ACOT8: variants seen among roughly 807,000 people sequenced by gnomAD.
ACOT8 encodes the protein acyl-coenzyme A thioesterase 8.
Under a neutral mutation model 38.4 loss-of-function variants are expected in ACOT8, and 31 were observed. That is an observed-to-expected ratio of 0.81 (90% CI 0.61 to 1.09). ACOT8 has a LOEUF of 1.09. ACOT8 is among the 50% of genes least tolerant of loss of function. The pLI, the probability that ACOT8 is intolerant of heterozygous loss-of-function variation, is 0.00. For missense variants in ACOT8, 373 were observed against 421.8 expected, an observed-to-expected ratio of 0.88 and a Z score of 1.01; for synonymous variants, 158 against 170.3, an observed-to-expected ratio of 0.93 and a Z score of 0.56.
intron 3 of ACOT8, 149 bp from the exon 4 acceptor site, chr20:45,844,569 G>C: frequency 1.1e-6 from 1 of 895,778 alleles, no homozygotes; most frequent in East Asian, 2.7e-5. Context: ...ATAGTGCAGC[G>C]TTTGAATCCC....
chr20:45,842,160 A>G, intron 5 of ACOT8: 1 of 1,522,016 alleles, frequency 6.6e-7, no homozygotes, highest in Non-Finnish European at 8.8e-7. Context: ...ACTTCTTGCA[A>G]AGGGTCTGGC....
At chr20:45,846,849 C>T (rs1487034381) in intron 3 of ACOT8, among the ~76,000 whole-genome samples, 1 of 152,154 alleles carries the variant, frequency 6.6e-6, no homozygotes, top group African/African-American at 2.4e-5. Flanking sequence ...ATCTAACATG[C>T]TCCCTGGTGG....
chr20:45,848,633 C>G lies in ACOT8; in HGVS notation c.305G>C (p.Arg102Pro). Residue 102 changes from arginine to proline, a missense_variant, in exon 3 of 6, where the codon CGA (arginine) becomes CCA (proline). Transcript: ENST00000217455. ...GCGCACCGAGAAGCTCGACCCTGTT[C>G]GTGTCCGCTCCACTTGGTACAGTAC... is the stretch of plus-strand genomic sequence containing the variant. ...LPVLYQVERT[R>P]TGSSFSVRSV... 3.1e-6 allele frequency: 5 copies of G among 1,613,554 alleles called. No individual in the cohort carries two copies. The highest frequency in any genetic ancestry group is 4.2e-6 in the Non-Finnish European group (5 of 1,179,936).
rs1275392341 is a variant in ACOT8, at chr20:45,843,662, A to G, written c.706T>C (p.Leu236=). 2 of 1,613,236 alleles carry G rather than the reference A, an allele frequency of 1.2e-6. No homozygotes were observed. Among genetic ancestry groups the G allele is most frequent in the Non-Finnish European group, 1.7e-6 (2 of 1,179,282 alleles). The change falls in exon 5 of 6, where the codon TTG becomes CTG. Residue 236 remains leucine (L), a synonymous_variant. Coordinates refer to ENST00000217455, the MANE Select transcript of ACOT8 (RefSeq NM_005469.4). ...VAAYISDYAF[L]GTALLPHQWQ... is the part of the protein sequence containing the mutation. Reference sequence around the variant, plus strand: ...TGGTGAGGCAGCAGTGCAGTGCCCAAGAAGGCATAGTCGGAGATATAGGCG... The same window carrying G: ...TGGTGAGGCAGCAGTGCAGTGCCCAGGAAGGCATAGTCGGAGATATAGGCG...
At chr20:45,853,635 T>A (rs545336269) in intron 2 of ACOT8, 1 of 217,340 alleles carries the variant, frequency 4.6e-6, no homozygotes, top group Admixed American at 5.5e-5. Flanking sequence ...GCTGGAAGGA[T>A]TACAATATCA....
At position 45,855,302 on chromosome 20, in the gene ACOT8, GA is replaced by G; in HGVS notation, c.129-11del. 3.7e-6 allele frequency: 6 copies of G among 1,613,702 alleles called. No individual in the cohort carries two copies. Among genetic ancestry groups the G allele is most frequent in the Non-Finnish European group, 5.1e-6 (6 of 1,179,932 alleles). ...CCAGTAATGCCTTCCTCTGTAGGGA[GA>G]GGGGGAAAGAGGGAAAGACTTGGGA... On this transcript the variant is annotated splice_polypyrimidine_tract_variant and intron_variant, in intron 1 of 5. Transcript: ENST00000217455.
In ACOT8 at chr20:45,849,321, G is replaced by C. The variant is rs59117934; in HGVS notation, c.263-646C>G. Among the ~76,000 whole-genome samples the C allele has an allele frequency of 1.8e-4, 28 of 152,240 alleles. No individual in the cohort carries two copies. The East Asian group carries it at 4.2e-3, about 23-fold the overall frequency. ...TTTGTTTGAGATGGAGTCTTGCTCT[G>C]TCACCCAGGCTGGAGTACAGTGGTG... On this transcript the variant is annotated intron_variant, in intron 2 of 5. Coordinates refer to ENST00000217455, the MANE Select transcript of ACOT8 (RefSeq NM_005469.4).
At chr20:45,843,947 A>T (rs2145758939) in intron 4 of ACOT8, 1 of 931,212 alleles carries the variant, frequency 1.1e-6, no homozygotes, top group Non-Finnish European at 1.6e-6. Context: ...CAAGTCTCCC[A>T]CTCTAGGCCC....
chr20:45,856,043 C>T (rs1053687255), intron 1 of ACOT8, among the ~76,000 whole-genome samples: 5 of 152,084 alleles, frequency 3.3e-5, no homozygotes, highest in African/African-American at 7.2e-5. Context: ...GTGGGAGGAT[C>T]GCCTGAGCCC....
At chr20:45,855,975 C>T (rs1985394210) in intron 1 of ACOT8, among the ~76,000 whole-genome samples, 1 of 152,088 alleles carries the variant, frequency 6.6e-6, no homozygotes, top group African/African-American at 2.4e-5. Flanking sequence ...GAACAGCCCT[C>T]CATGACCTGG....
At chr20:45,842,558 C>T (rs1984300404) in intron 5 of ACOT8, 3 of 997,624 alleles carry the variant, frequency 3.0e-6, no homozygotes, top group South Asian at 4.4e-5. Context: ...CTGGCCTCTT[C>T]CCTCCCCATC....
intron 3 of ACOT8, among the ~76,000 whole-genome samples, chr20:45,845,100 T>C (rs1002982046): frequency 2.0e-5 from 3 of 151,968 alleles, no homozygotes; most frequent in African/African-American, 7.3e-5. Flanking sequence ...TATTATTTCT[T>C]TATTTTGAGA....
rs1984461030 is a variant in ACOT8 at position 45,843,830 on chromosome 20, G to A, written c.647-109C>T. The A allele has an allele frequency of 2.7e-6, 4 of 1,494,130 alleles. No homozygotes were observed. The African/African-American group carries it at 4.2e-5, about 16-fold the overall frequency. The allele number at this position is 1,494,130 out of a possible 1,614,324, so 92.6% of individuals were successfully genotyped here. A position where few individuals can be genotyped will look rare whatever the true frequency, so the allele number is the denominator to read the frequency against. On this transcript the variant is annotated intron_variant, in intron 4 of 5. Coordinates refer to ENST00000217455, the MANE Select transcript of ACOT8 (RefSeq NM_005469.4). ...TGCATGGGTGTGCAGACTGGTTGCT[G>A]CACAAGAGCGCTTGGCCTACAGTGT... is the stretch of plus-strand genomic sequence containing the variant.
rs1221406368 is a variant in ACOT8 at position 45,857,357 on chromosome 20, G to A, written c.-42C>T. Reference sequence around the variant, plus strand: ...GGCCCTGCACACCCGCTCCGCGGAAGACGCGGAGACATACACAGAACCTGA... The same window carrying A: ...GGCCCTGCACACCCGCTCCGCGGAAAACGCGGAGACATACACAGAACCTGA... On this transcript the variant is annotated 5_prime_UTR_variant, in exon 1 of 6. Coordinates refer to ENST00000217455, the MANE Select transcript of ACOT8 (RefSeq NM_005469.4). 3 of 1,558,602 alleles carry A rather than the reference G, an allele frequency of 1.9e-6. No homozygotes were observed. The African/African-American group carries it at 4.1e-5, about 21-fold the overall frequency.
At chr20:45,843,175 G>T in intron 5 of ACOT8, 1 of 520,956 alleles carries the variant, frequency 1.9e-6, no homozygotes, top group Non-Finnish European at 3.1e-6. Context: ...TGCGGGTTTG[G>T]ATACCACTGC....
intron 2 of ACOT8, among the ~76,000 whole-genome samples, chr20:45,853,244 T>C (rs197673): frequency 0.028 from 4,277 of 152,254 alleles, 210 homozygotes; most frequent in African/African-American, 0.097. Flanking sequence ...AGGAAAGAGT[T>C]TGGCACTCAA....
At chr20:45,851,850 AAAAAC>A (rs1397656319) in intron 2 of ACOT8, among the ~76,000 whole-genome samples, 1 of 152,234 alleles carries the variant, frequency 6.6e-6, no homozygotes. Context: ...GAGAAAAACT[AAAAAC>A]AAAACAAAAA....
At position 45,857,285 on chromosome 20, in the gene ACOT8, GC is replaced by G; in HGVS notation, c.30del (p.Gln11ArgfsTer61). 6.2e-7 allele frequency: 1 copy of G among 1,611,158 alleles called. No homozygotes were observed. The highest frequency in any genetic ancestry group is 8.5e-7 in the Non-Finnish European group (1 of 1,178,996). MSSPQAPED[G>X]QGCGDRGDPP... ...GGATCGCCGCGGTCGCCACAGCCCT[GC>G]CCATCTTCTGGGGCCTGCGGGGACG... On this transcript the variant is annotated frameshift_variant, in exon 1 of 6. Transcript: ENST00000217455. LOFTEE classifies it high-confidence loss of function.
chr20:45,844,289 A>G lies in ACOT8; in HGVS notation c.620T>C (p.Phe207Ser), dbSNP rs1281737886. ...AATATAGCCCCGGGCTCGCACCCAG[A>G]ACATCTGTTTGGGCTCCATTCTCTG... ...QLQRMEPKQM[F>S]WVRARGYIGE... is the part of the protein sequence containing the mutation. Residue 207 changes from phenylalanine to serine, a missense_variant, in exon 4 of 6, where the codon TTC becomes TCC. Physicochemically the swap from Phe to Ser is radical, Grantham distance 155. Coordinates refer to ENST00000217455, the MANE Select transcript of ACOT8 (RefSeq NM_005469.4). The G allele has an allele frequency of 6.2e-7, 1 of 1,614,124 alleles. No individual in the cohort carries two copies. Among genetic ancestry groups the G allele is most frequent in the Non-Finnish European group, 8.5e-7 (1 of 1,180,014 alleles).
Sources: allele counts gnomAD v4.1 joint callset (sites outside exome capture counted in the v4.1 genomes callset), GRCh38; gene constraint gnomAD v4.1.1; transcripts MANE v1.5; gene names NCBI Gene and HGNC (gene_info 2026-07-23, HGNC 2026-07-21).